LRRK2: variants seen among roughly 807,000 people sequenced by gnomAD.
LRRK2 encodes leucine rich repeat kinase 2, also known as leucine-rich repeat serine/threonine-protein kinase 2.
In LRRK2, 203 loss-of-function variants were observed where a neutral mutation model predicts 302.6. The ratio of observed to expected loss-of-function variants is 0.67; its 90% CI spans 0.60 to 0.75. The LOEUF (loss-of-function observed/expected upper bound fraction) is 0.75. LRRK2 is among the 30% of genes least tolerant of loss of function. The probability of loss-of-function intolerance (pLI) is 0.00; values close to 1 mark genes in which losing one functional copy is unlikely to be tolerated. For missense variants in LRRK2, 2,830 were observed against 2,951.0 expected, an observed-to-expected ratio of 0.96 and a Z score of 0.95; for synonymous variants, 1,066 against 1,031.9, an observed-to-expected ratio of 1.03 and a Z score of -0.63.
In LRRK2 at chr12:40,304,002, A is replaced by C; in HGVS notation, c.3645A>C (p.Ala1215=). The change falls in exon 27 of 51, where the codon GCA becomes GCC. Residue 1215 remains alanine (A), a synonymous_variant. Coordinates refer to ENST00000298910, the MANE Select transcript of LRRK2 (RefSeq NM_198578.4). ...SNDIQYLPGP[A]HWKSLNLREL... is the part of the protein sequence containing the mutation. ...ATATTCAGTACCTACCAGGTCCCGCACACTGGAAATCTTTGAACTTAAGGG... is the reference window on the plus strand; with the variant it reads ...ATATTCAGTACCTACCAGGTCCCGCCCACTGGAAATCTTTGAACTTAAGGG... 2 of 1,613,754 alleles carry C rather than the reference A, an allele frequency of 1.2e-6. No individual in the cohort carries two copies. Among genetic ancestry groups the C allele is most frequent in the Non-Finnish European group, 1.7e-6 (2 of 1,179,762 alleles).
In LRRK2 at chr12:40,346,916, A is replaced by T; in HGVS notation, c.6273A>T (p.Lys2091Asn). ...NEFDELEIQG[K>N]LPDPVKEYGC... The stretch of plus-strand genomic sequence containing the variant: ...TTGATGAATTAGAAATACAAGGAAA[A>T]TTACCTGGTAAGTTCTGTTTTCTCT... The change falls in exon 42 of 51, where the codon AAA (lysine) becomes AAT (asparagine). Residue 2091 changes from lysine (K) to asparagine (N), a missense_variant. By Grantham distance (94) the Lys-to-Asn change is moderately conservative. Transcript: ENST00000298910. 2 of 1,610,726 alleles carry T rather than the reference A, an allele frequency of 1.2e-6. No individual in the cohort carries two copies. Among genetic ancestry groups the T allele is most frequent in the Non-Finnish European group, 1.7e-6 (2 of 1,179,102 alleles).
chr12:40,278,380 T>A (rs542503818), intron 18 of LRRK2, 119 bp downstream of exon 18: 35 of 1,248,812 alleles, frequency 2.8e-5, no homozygotes, highest in Non-Finnish European at 3.9e-5. Context: ...ATTTACCAGT[T>A]TATTGCAATT....
rs1592356432 is a variant in LRRK2, at chr12:40,367,176, G to A, written c.7462+99G>A. 8 of 981,962 alleles carry A rather than the reference G, an allele frequency of 8.1e-6. No individual in the cohort carries two copies. In the Admixed American group the frequency reaches 1.3e-4, roughly 16 times the overall value. 60.8% of individuals were successfully genotyped at this position (981,962 alleles called of 1,614,324 possible). On this transcript the variant is annotated intron_variant, in intron 50 of 50. Coordinates refer to ENST00000298910, the MANE Select transcript of LRRK2 (RefSeq NM_198578.4). ...AAATTTGTAGAAAATATTACATATG[G>A]TATAATCAGGAATTTTAATTGGTAG...
chr12:40,311,655 T>C (rs1470274100), intron 31 of LRRK2, among the ~76,000 whole-genome samples: 1 of 152,184 alleles, frequency 6.6e-6, no homozygotes, highest in East Asian at 1.9e-4. Flanking sequence ...GCTGGCCAGT[T>C]AGCTTAGTTC....
At chr12:40,347,619 T>G (rs1269459840) in intron 42 of LRRK2, among the ~76,000 whole-genome samples, 1 of 152,216 alleles carries the variant, frequency 6.6e-6, no homozygotes, top group Non-Finnish European at 1.5e-5. Flanking sequence ...GGATAAACCT[T>G]AGATATAATC....
At chr12:40,273,425 G>A (rs1025166430) in intron 14 of LRRK2, among the ~76,000 whole-genome samples, 1 of 152,144 alleles carries the variant, frequency 6.6e-6, no homozygotes, top group African/African-American at 2.4e-5. Context: ...AGGACACAGG[G>A]TGAGAAACTG....
chr12:40,227,240 A>G (rs978886507), intron 2 of LRRK2, among the ~76,000 whole-genome samples: 3 of 152,202 alleles, frequency 2.0e-5, no homozygotes, highest in African/African-American at 7.2e-5. Context: ...TGATACATGT[A>G]TACAATGTGT....
intron 20 of LRRK2, among the ~76,000 whole-genome samples, chr12:40,291,195 C>T (rs560519545): frequency 5.3e-5 from 8 of 151,516 alleles, no homozygotes; most frequent in East Asian, 1.9e-4. Flanking sequence ...AACCAAACAC[C>T]GCATGTTCTC....
intron 49 of LRRK2, 172 bp downstream of exon 49, chr12:40,365,222 G>A (rs866658583): frequency 1.6e-6 from 1 of 622,356 alleles, no homozygotes; most frequent in Non-Finnish European, 2.8e-6. Context: ...TTACAGAAGT[G>A]GAGGGAGTAA....
rs558944972 is a variant in LRRK2, at chr12:40,249,807, T to G, written c.839-19T>G. 6.2e-7 allele frequency: 1 copy of G among 1,612,984 alleles called. No homozygotes were observed. The highest frequency in any genetic ancestry group is 1.7e-5 in the Admixed American group (1 of 59,996). Reference sequence around the variant, plus strand: ...CTTCCATGGATGAGAATTCAGCTAATGTTTCACTTAACTTTTAGGTAATTT... The same window carrying G: ...CTTCCATGGATGAGAATTCAGCTAAGGTTTCACTTAACTTTTAGGTAATTT... On this transcript the variant is annotated intron_variant, in intron 7 of 50. Coordinates refer to ENST00000298910, the MANE Select transcript of LRRK2 (RefSeq NM_198578.4).
Position 40,274,597 on chromosome 12 carries a change from T to C in LRRK2, c.1671T>C (p.Pro557=). The C allele has an allele frequency of 6.2e-7, 1 of 1,613,870 alleles. No individual in the cohort carries two copies. The highest frequency in any genetic ancestry group is 8.5e-7 in the Non-Finnish European group (1 of 1,179,850). Residue 557 remains proline (P), a synonymous_variant, in exon 15 of 51, where the codon CCT becomes CCC. Coordinates refer to ENST00000298910, the MANE Select transcript of LRRK2 (RefSeq NM_198578.4). ...LAALNRFIGN[P]GIQKCGLKVI... The stretch of plus-strand genomic sequence containing the variant: ...TTTGATTTTAGTTCATTGGAAATCC[T>C]GGGATTCAGAAATGTGGATTAAAAG...
At chr12:40,282,036 T>C in intron 18 of LRRK2, among the ~76,000 whole-genome samples, 1 of 17,842 alleles carries the variant, frequency 5.6e-5, no homozygotes, top group South Asian at 3.7e-3. Context: ...TTCCCTTCCC[T>C]TCCCTTCCCT....
At chr12:40,319,811 A>G (rs1945343645) in intron 33 of LRRK2, among the ~76,000 whole-genome samples, 177 bp from the exon 34 acceptor site, 1 of 151,588 alleles carries the variant, frequency 6.6e-6, no homozygotes, top group Non-Finnish European at 1.5e-5. Context: ...TTGAGAGTGA[A>G]TGCCCCTCTG....
rs770448977 is a variant in LRRK2 at position 40,304,043 on chromosome 12, A to G, written c.3686A>G (p.His1229Arg). 3 of 1,613,788 alleles carry G rather than the reference A, an allele frequency of 1.9e-6. No homozygotes were observed. Among genetic ancestry groups the G allele is most frequent in the Admixed American group, 3.3e-5 (2 of 59,986 alleles). ...SLNLRELLFSHNQISILDLSE... is the reference protein window; with the variant it reads ...SLNLRELLFSRNQISILDLSE... ...AACTTAAGGGAACTCTTATTTAGCC[A>G]TAATCAGATCAGCATCTTGGACTTG... Residue 1229 changes from histidine to arginine, a missense_variant, in exon 27 of 51, where the codon CAT becomes CGT. Transcript: ENST00000298910.
At chr12:40,280,443 G>A (rs1347244412) in intron 18 of LRRK2, among the ~76,000 whole-genome samples, 1 of 151,654 alleles carries the variant, frequency 6.6e-6, no homozygotes, top group African/African-American at 2.4e-5. Context: ...GGGCAACATA[G>A]TTAGACCCCC....
rs555006779 is a variant in LRRK2, at chr12:40,234,244, T to C, written c.348-1382T>C. 1.2e-3 allele frequency among the ~76,000 whole-genome samples: 187 copies of C among 152,310 alleles called. 2 individuals are homozygous for C. Among genetic ancestry groups the C allele is most frequent in the African/African-American group, 4.1e-3 (172 of 41,568 alleles). On this transcript the variant is annotated intron_variant, in intron 3 of 50. Coordinates refer to ENST00000298910, the MANE Select transcript of LRRK2 (RefSeq NM_198578.4). Reference sequence around the variant, plus strand: ...TCTAGATGTGGCCAGCTCAGTCTTCTTCCAATAATGTAAAGCCAAACAATG... The same window carrying C: ...TCTAGATGTGGCCAGCTCAGTCTTCCTCCAATAATGTAAAGCCAAACAATG...
intron 43 of LRRK2, among the ~76,000 whole-genome samples, chr12:40,351,067 C>A (rs17491652): frequency 6.6e-6 from 1 of 152,166 alleles, no homozygotes; most frequent in South Asian, 2.1e-4. Context: ...TGTTTTCTTA[C>A]GGTGCCTTCA....
chr12:40,283,930 C>T lies in LRRK2; in HGVS notation c.2297C>T (p.Ser766Phe), dbSNP rs766341710. 3.1e-6 allele frequency: 5 copies of T among 1,613,600 alleles called. No individual in the cohort carries two copies. In the South Asian group the frequency reaches 5.5e-5, roughly 18 times the overall value. The change falls in exon 19 of 51, where the codon TCT becomes TTT. Residue 766 changes from serine to phenylalanine, a missense_variant. Around this residue, in one of 3 missense-constraint regions of LRRK2, gnomAD observed 2,121 missense variants for 2,148.0 expected, o/e 0.99. Coordinates refer to ENST00000298910, the MANE Select transcript of LRRK2 (RefSeq NM_198578.4). The stretch of plus-strand genomic sequence containing the variant: ...GTGGAACTCTTACTGAATAGTGGAT[C>T]TCGTGAACAAGATGTACGAAAAGCG... ...KLVELLLNSG[S>F]REQDVRKALT...
chr12:40,302,680 A>T, intron 25 of LRRK2, 109 bp from the exon 26 acceptor site: 1 of 807,782 alleles, frequency 1.2e-6, no homozygotes, highest in East Asian at 2.5e-5. Context: ...TCAGTGTGAG[A>T]ATGGAAATCA....
Sources: allele counts gnomAD v4.1 joint callset (sites outside exome capture counted in the v4.1 genomes callset), GRCh38; gene constraint gnomAD v4.1.1; regional missense constraint gnomAD v4.1.1; transcripts MANE v1.5; gene names NCBI Gene and HGNC (gene_info 2026-07-23, HGNC 2026-07-21).